RBFOX1: variants seen among roughly 807,000 people sequenced by gnomAD.
RBFOX1 encodes the protein RNA binding protein fox-1 homolog 1.
Under a neutral mutation model 57.7 loss-of-function variants are expected in RBFOX1, and 8 were observed. The ratio of observed to expected loss-of-function variants is 0.14; its 90% confidence interval spans 0.08 to 0.25. The LOEUF (loss-of-function observed/expected upper bound fraction) is 0.25, where lower values mean the gene tolerates loss of function less well. Among genes scored for constraint, RBFOX1 ranks in the 10% least tolerant of loss-of-function variants. RBFOX1 has a pLI of 1.00. For synonymous variants in RBFOX1, 326 were observed against 222.4 expected (o/e 1.47, Z -4.15); for missense variants, 611 against 548.5 (o/e 1.11, Z -1.14).
intron 3 of RBFOX1, among the ~76,000 whole-genome samples, chr16:6,967,476 T>C (rs909501573): frequency 2.0e-5 from 3 of 152,112 alleles, no homozygotes; most frequent in Admixed American, 1.3e-4. Context: ...GTGGATAGGA[T>C]AGGAGCAGTG....
At chr16:6,449,542 G>A (rs2153041672) in intron 2 of RBFOX1, among the ~76,000 whole-genome samples, 1 of 152,306 alleles carries the variant, frequency 6.6e-6, no homozygotes, top group South Asian at 2.1e-4. Flanking sequence ...CTTTCAGTTG[G>A]CTGAATCGGA....
At chr16:5,479,565 C>T (rs2069450105) in intron 2 of RBFOX1, among the ~76,000 whole-genome samples, 5 of 152,060 alleles carry the variant, frequency 3.3e-5, no homozygotes, top group Admixed American at 2.6e-4. Context: ...TCCAGACCAG[C>T]CTGGCCAACA....
intron 2 of RBFOX1, among the ~76,000 whole-genome samples, chr16:6,327,388 T>A (rs2082495485): frequency 6.6e-6 from 1 of 151,974 alleles, no homozygotes; most frequent in South Asian, 2.1e-4. Context: ...ACCTATAGAG[T>A]TTTCATCTTT....
chr16:5,991,762 G>T (rs2060403946), intron 4 of RBFOX1, among the ~76,000 whole-genome samples: 1 of 150,850 alleles, frequency 6.6e-6, no homozygotes, highest in Non-Finnish European at 1.5e-5. Context: ...TCCCAGCCCT[G>T]CCAATAATCA....
chr16:6,135,587 G>C (rs1049231820), intron 1 of RBFOX1, among the ~76,000 whole-genome samples: 8 of 151,786 alleles, frequency 5.3e-5, no homozygotes, highest in African/African-American at 1.7e-4. Flanking sequence ...TGTTTATTTA[G>C]GGTTTAAAAG....
chr16:6,246,992 C>T (rs776457116), intron 1 of RBFOX1, among the ~76,000 whole-genome samples: 74 of 152,208 alleles, frequency 4.9e-4, no homozygotes, highest in Admixed American at 3.2e-3. Context: ...ATCGCTTGAA[C>T]CCAGGAAGTA....
At chr16:7,579,699 T>C (rs2093607394) in intron 5 of RBFOX1, 78 bp from the exon 6 acceptor site, 1 of 1,560,002 alleles carries the variant, frequency 6.4e-7, no homozygotes, top group Non-Finnish European at 8.8e-7. Flanking sequence ...TTCCTGCCAC[T>C]CATGGCAAGC....
chr16:6,567,778 G>A (rs1180046158), intron 2 of RBFOX1, among the ~76,000 whole-genome samples: 2 of 152,030 alleles, frequency 1.3e-5, no homozygotes, highest in East Asian at 1.9e-4. Context: ...AACAAATTAA[G>A]CATTTAGGGC....
intron 3 of RBFOX1, among the ~76,000 whole-genome samples, chr16:6,855,436 G>T (rs1275365731): frequency 6.6e-6 from 1 of 152,012 alleles, no homozygotes; most frequent in African/African-American, 2.4e-5. Flanking sequence ...CGGATCATGA[G>T]GTCAGGAGAT....
chr16:6,791,716 G>T (rs976328425), intron 3 of RBFOX1, among the ~76,000 whole-genome samples: 2 of 152,296 alleles, frequency 1.3e-5, no homozygotes, highest in East Asian at 3.9e-4. Flanking sequence ...CAGAGATCGT[G>T]CCACACTGCA....
intron 3 of RBFOX1, among the ~76,000 whole-genome samples, chr16:6,872,821 C>G (rs1343903687): frequency 2.0e-5 from 3 of 152,124 alleles, no homozygotes; most frequent in Non-Finnish European, 2.9e-5. Context: ...TGGTTAAATT[C>G]TGTTTGGGTC....
chr16:7,403,234 G>A (rs1375805946), intron 4 of RBFOX1, among the ~76,000 whole-genome samples: 5 of 152,092 alleles, frequency 3.3e-5, no homozygotes, highest in African/African-American at 1.2e-4. Flanking sequence ...CCGTTTTTTG[G>A]TGAGATCACT....
chr16:5,295,952 G>C (rs2063656539), intron 1 of RBFOX1, among the ~76,000 whole-genome samples: 1 of 152,206 alleles, frequency 6.6e-6, no homozygotes, highest in African/African-American at 2.4e-5. Context: ...CCTTATCAGA[G>C]AGTAAGGACT....
chr16:6,029,048 G>C (rs949159570), intron 1 of RBFOX1, among the ~76,000 whole-genome samples: 1 of 152,146 alleles, frequency 6.6e-6, no homozygotes, highest in African/African-American at 2.4e-5. Context: ...AGTGAGTTAA[G>C]TCAAGCAGCA....
At chr16:6,857,611 T>C (rs8050015) in intron 3 of RBFOX1, among the ~76,000 whole-genome samples, 40,719 of 152,108 alleles carry the variant, frequency 0.27, 5,837 homozygotes, top group Admixed American at 0.39. Flanking sequence ...AAGAACATTA[T>C]GTTTTATTTT....
intron 1 of RBFOX1, among the ~76,000 whole-genome samples, chr16:6,130,525 T>C (rs2152672574): frequency 6.6e-6 from 1 of 152,184 alleles, no homozygotes; most frequent in African/African-American, 2.4e-5. Flanking sequence ...AAGACAACCA[T>C]AGAAATAATT....
intron 4 of RBFOX1, among the ~76,000 whole-genome samples, chr16:7,091,077 C>G (rs1026461371): frequency 6.6e-6 from 1 of 152,190 alleles, no homozygotes; most frequent in African/African-American, 2.4e-5. Flanking sequence ...ATGGTCCCCG[C>G]TTAAACTCTA....
At chr16:5,363,103 G>A (rs1474256788) in intron 1 of RBFOX1, among the ~76,000 whole-genome samples, 8 of 144,922 alleles carry the variant, frequency 5.5e-5, no homozygotes, top group East Asian at 2.0e-4. Flanking sequence ...GTGTGATCTC[G>A]GCTCACTGCA....
chr16:6,271,178 C>G (rs145400238), intron 1 of RBFOX1, among the ~76,000 whole-genome samples: 10 of 152,284 alleles, frequency 6.6e-5, no homozygotes, highest in Non-Finnish European at 1.5e-4. Context: ...AATCCCAGCA[C>G]TTTGGGAGGC....
Sources: gnomAD v4.1 joint callset for allele counts (sites outside exome capture counted in the v4.1 genomes callset) on GRCh38, gnomAD v4.1.1 for gene constraint, MANE v1.5 for transcripts, NCBI Gene and HGNC (gene_info 2026-07-23, HGNC 2026-07-21) for gene names.